Variants in TMEM45A observed in about 807,000 individuals in gnomAD.
The protein encoded by TMEM45A is transmembrane protein 45A, also known as DNA polymerase-transactivated protein 4.
In TMEM45A, 25 loss-of-function variants were observed where a neutral mutation model predicts 32.0. The observed-to-expected ratio is 0.78, with a 90% CI of 0.57 to 1.09. The LOEUF (loss-of-function observed/expected upper bound fraction) is 1.09, where lower values mean the gene tolerates loss of function less well. Among genes scored for constraint, TMEM45A ranks in the 50% least tolerant of loss-of-function variants. The pLI is 0.00. For missense variants in TMEM45A, 302 were observed against 325.0 expected (o/e 0.93, Z 0.54); for synonymous variants, 122 against 114.8 (o/e 1.06, Z -0.40).
At chr3:100,520,368 AT>A (rs1705411165) in intron 1 of TMEM45A, among the ~76,000 whole-genome samples, 1 of 152,128 alleles carries the variant, frequency 6.6e-6, no homozygotes, top group South Asian at 2.1e-4. Flanking sequence ...AGGCCTCACC[AT>A]TTTTGGTCCA....
intron 1 of TMEM45A, among the ~76,000 whole-genome samples, chr3:100,509,949 G>T (rs922194876): frequency 6.6e-6 from 1 of 151,836 alleles, no homozygotes; most frequent in Non-Finnish European, 1.5e-5. Context: ...TATATCCCAC[G>T]CATGGCTCGG....
At chr3:100,511,810 C>T (rs1708167974) in intron 1 of TMEM45A, among the ~76,000 whole-genome samples, 1 of 152,006 alleles carries the variant, frequency 6.6e-6, no homozygotes, top group Non-Finnish European at 1.5e-5. Context: ...CAAAAAAAGG[C>T]AGGGGTTGCA....
chr3:100,537,891 G>C (rs1705774666), intron 1 of TMEM45A, among the ~76,000 whole-genome samples: 1 of 152,262 alleles, frequency 6.6e-6, no homozygotes, highest in African/African-American at 2.4e-5. Context: ...CTGGGTGCCT[G>C]TGACTGCGCT....
intron 4 of TMEM45A, among the ~76,000 whole-genome samples, chr3:100,561,966 T>C (rs1379662917): frequency 1.3e-5 from 2 of 152,172 alleles, no homozygotes; most frequent in African/African-American, 4.8e-5. Flanking sequence ...GCAGTAATGG[T>C]TTGAGGTCTG....
chr3:100,555,666 G>C (rs1706205891), intron 2 of TMEM45A, among the ~76,000 whole-genome samples: 1 of 152,168 alleles, frequency 6.6e-6, no homozygotes, highest in East Asian at 1.9e-4. Context: ...TGGAGAAAGA[G>C]ATTAGGCCAG....
chr3:100,525,326 G>A (rs976566682), intron 1 of TMEM45A, among the ~76,000 whole-genome samples: 28 of 152,088 alleles, frequency 1.8e-4, no homozygotes, highest in African/African-American at 6.8e-4. Flanking sequence ...TAATTTCACT[G>A]GTTTCTTTTT....
chr3:100,551,072 G>A (rs1706089581), intron 1 of TMEM45A, among the ~76,000 whole-genome samples: 1 of 147,340 alleles, frequency 6.8e-6, no homozygotes. Flanking sequence ...GGAGTGCAGT[G>A]GCGGGATCTC....
chr3:100,555,107 A>G, intron 1 of TMEM45A, 102 bp from the exon 2 acceptor site: 1 of 1,054,322 alleles, frequency 9.5e-7, no homozygotes, highest in East Asian at 2.4e-5. Flanking sequence ...TGATGTATCC[A>G]TAATAATCAG....
intron 1 of TMEM45A, among the ~76,000 whole-genome samples, chr3:100,511,477 T>G (rs1708158612): frequency 6.6e-6 from 1 of 151,950 alleles, no homozygotes; most frequent in Non-Finnish European, 1.5e-5. Flanking sequence ...AAGGAAGCGC[T>G]AAACATGGAA....
At chr3:100,505,818 C>T (rs190258966) in intron 1 of TMEM45A, among the ~76,000 whole-genome samples, 12 of 152,288 alleles carry the variant, frequency 7.9e-5, no homozygotes, top group South Asian at 4.1e-4. Flanking sequence ...GGCGTACACT[C>T]GGACTGCTCC....
chr3:100,527,089 A>G (rs1705558417), intron 1 of TMEM45A, among the ~76,000 whole-genome samples: 1 of 152,228 alleles, frequency 6.6e-6, no homozygotes, highest in Non-Finnish European at 1.5e-5. Flanking sequence ...ACTGAGCAAG[A>G]GACCGCCTTT....
chr3:100,519,576 T>C (rs756466285), intron 1 of TMEM45A: 138 of 1,550,934 alleles, frequency 8.9e-5, no homozygotes, highest in Non-Finnish European at 1.2e-4. Flanking sequence ...GACCAATGAC[T>C]CAGAAGGGAA....
At chr3:100,527,677 A>T (rs1208082472) in intron 1 of TMEM45A, among the ~76,000 whole-genome samples, 1 of 152,218 alleles carries the variant, frequency 6.6e-6, no homozygotes, top group Non-Finnish European at 1.5e-5. Context: ...TTGAGAAGAA[A>T]GATATACCAG....
chr3:100,576,957 C>A lies in TMEM45A; in HGVS notation c.767C>A (p.Ser256Tyr). ...AAATCTAGACTTAAGAGGCTCTGCT[C>A]CTCAGAAGTTGGACTTCTGAAAAAT... is the stretch of plus-strand genomic sequence containing the variant. The part of the protein sequence containing the change: ...LVKSRLKRLC[S>Y]SEVGLLKNAE... Residue 256 changes from serine to tyrosine, a missense_variant, in exon 6 of 6, where the codon TCC (serine) becomes TAC (tyrosine). Ser to Tyr is a moderately radical substitution (Grantham distance 144, BLOSUM62 -2). Coordinates refer to ENST00000323523, the MANE Select transcript of TMEM45A (RefSeq NM_018004.3). 1.2e-6 allele frequency: 2 copies of A among 1,613,546 alleles called. No homozygotes were observed. Among genetic ancestry groups the A allele is most frequent in the Non-Finnish European group, 1.7e-6 (2 of 1,179,808 alleles).
chr3:100,511,039 A>G (rs1057461423), intron 1 of TMEM45A, among the ~76,000 whole-genome samples: 1 of 152,240 alleles, frequency 6.6e-6, no homozygotes, highest in African/African-American at 2.4e-5. Flanking sequence ...ACCAAGTTGG[A>G]AAACACTCTT....
intron 4 of TMEM45A, among the ~76,000 whole-genome samples, chr3:100,562,446 C>T (rs1706355645): frequency 6.6e-6 from 1 of 152,204 alleles, no homozygotes; most frequent in African/African-American, 2.4e-5. Flanking sequence ...TCAGTCAAAT[C>T]TTTAGCTTTC....
intron 1 of TMEM45A, among the ~76,000 whole-genome samples, chr3:100,495,252 C>G (rs1707906709): frequency 6.6e-6 from 1 of 152,146 alleles, no homozygotes; most frequent in South Asian, 2.1e-4. Context: ...TAGAAAAAGG[C>G]TATCTTTTGT....
intron 1 of TMEM45A, among the ~76,000 whole-genome samples, chr3:100,507,901 A>G (rs1245903525): frequency 4.0e-5 from 6 of 151,468 alleles, no homozygotes; most frequent in African/African-American, 1.5e-4. Context: ...ATATTTGACT[A>G]GAGACATCTG....
chr3:100,569,687 CTTG>C (rs1316942331), intron 5 of TMEM45A, among the ~76,000 whole-genome samples: 1 of 152,030 alleles, frequency 6.6e-6, no homozygotes, highest in East Asian at 1.9e-4. Context: ...ATATTATTGT[CTTG>C]TTGTTCTTCC....
Sources: allele counts gnomAD v4.1 joint callset (sites outside exome capture counted in the v4.1 genomes callset), GRCh38; gene constraint gnomAD v4.1.1; transcripts MANE v1.5; gene names NCBI Gene and HGNC (gene_info 2026-07-23, HGNC 2026-07-21).